Variants in GBP5 observed in about 807,000 individuals in gnomAD.
GBP5 encodes guanylate-binding protein 5.
A neutral mutation model predicts 58.2 loss-of-function variants in GBP5; 48 were observed. The ratio of observed to expected loss-of-function variants is 0.83; its 90% CI spans 0.65 to 1.05. The LOEUF (loss-of-function observed/expected upper bound fraction) is 1.05. GBP5 is among the 50% of genes least tolerant of loss of function. GBP5 has a pLI of 0.00. For missense variants in GBP5, 714 were observed against 686.8 expected, an observed-to-expected ratio of 1.04 and a Z score of -0.44; for synonymous variants, 248 against 251.8, an observed-to-expected ratio of 0.98 and a Z score of 0.14.
rs190519845 is a variant in GBP5 at position 89,257,558 on chromosome 1, A to G, written c.*3146T>C. 5.3e-5 allele frequency among the ~76,000 whole-genome samples: 8 copies of G among 152,338 alleles called. No individual in the cohort carries two copies. The highest frequency in any genetic ancestry group is 4.6e-4 in the Admixed American group (7 of 15,298). On this transcript the variant is annotated 3_prime_UTR_variant, in exon 12 of 12. Transcript: ENST00000370459. ...TAATTTATTTAATTTCAATGCTTTA[A>G]CAATAATAACTTTAATAATGATAAC... is the stretch of plus-strand genomic sequence containing the variant.
rs1171382203 is a variant in GBP5 at position 89,259,898 on chromosome 1, T to G, written c.*806A>C. ...TATACCCCTTAGCCTGTAAGCCCGG[T>G]GTCTGCCTCCTCAGATTTCTGTAGA... On this transcript the variant is annotated 3_prime_UTR_variant, in exon 12 of 12. Coordinates refer to ENST00000370459, the MANE Select transcript of GBP5 (RefSeq NM_052942.5). The G allele has an allele frequency of 6.6e-6, 1 of 152,142 alleles. No individual in the cohort carries two copies. Among genetic ancestry groups the G allele is most frequent in the Non-Finnish European group, 1.5e-5 (1 of 68,096 alleles). The allele number at this position is 152,142 out of a possible 1,614,324, so 9.4% of individuals were successfully genotyped here. A position where few individuals can be genotyped will look rare whatever the true frequency, so the allele number is the denominator to read the frequency against.
chr1:89,264,618 T>C (rs773292463), intron 8 of GBP5, 68 bp downstream of exon 8: 55 of 1,399,940 alleles, frequency 3.9e-5, no homozygotes, highest in Non-Finnish European at 5.3e-5. Flanking sequence ...TAAGTCCTAT[T>C]TTATCATTCA....
intron 7 of GBP5, among the ~76,000 whole-genome samples, chr1:89,265,597 G>A (rs1367736416): frequency 3.3e-5 from 5 of 151,294 alleles, no homozygotes; most frequent in East Asian, 1.9e-4. Context: ...GTGTGGTGGC[G>A]GGTGCCTGTA....
intron 7 of GBP5, 142 bp downstream of exon 7, chr1:89,266,204 C>A: frequency 1.4e-6 from 1 of 723,884 alleles, no homozygotes; most frequent in Non-Finnish European, 2.3e-6. Flanking sequence ...CCCACTGAAA[C>A]TTAATAAATA....
At position 89,266,438 on chromosome 1, in the gene GBP5, T is replaced by G; in HGVS notation, c.776A>C (p.Glu259Ala). Residue 259 changes from glutamate (E) to alanine (A), a missense_variant, in exon 7 of 12, where the codon GAA becomes GCA. Glu to Ala is a moderately radical substitution (Grantham distance 107). Transcript: ENST00000370459. Reference sequence around the variant, plus strand: ...GAATTCTGTCACTTGTTGCACAAATTCAGGCTCTAGCTCATCATCAGGCAG... The same window carrying G: ...GAATTCTGTCACTTGTTGCACAAATGCAGGCTCTAGCTCATCATCAGGCAG... Reference protein sequence around the residue: ...ETLPDDELEPEFVQQVTEFCS... With the variant: ...ETLPDDELEPAFVQQVTEFCS... 2 of 1,614,122 alleles carry G rather than the reference T, an allele frequency of 1.2e-6. No individual in the cohort carries two copies. The highest frequency in any genetic ancestry group is 1.1e-5 in the South Asian group (1 of 91,084).
chr1:89,265,018 T>C (rs778091120), intron 7 of GBP5, 52 bp from the exon 8 acceptor site: 70 of 1,506,286 alleles, frequency 4.6e-5, no homozygotes, highest in South Asian at 4.5e-4. Context: ...GAAGACATGA[T>C]TGATACAGTA....
intron 11 of GBP5, among the ~76,000 whole-genome samples, chr1:89,261,800 A>G (rs1228877188): frequency 6.6e-6 from 1 of 152,216 alleles, no homozygotes; most frequent in African/African-American, 2.4e-5. Context: ...ATGAAATCAG[A>G]TTAACAAAGT....
Position 89,258,115 on chromosome 1 carries a change from T to C in GBP5, c.*2589A>G, listed in dbSNP as rs963441009. On this transcript the variant is annotated 3_prime_UTR_variant, in exon 12 of 12. Transcript: ENST00000370459. ...TCTCTAACCTGTGAGATCAGAGTAT[T>C]TGGGGATGAGTGGGATCCAGGGAAG... 6.6e-6 allele frequency among the ~76,000 whole-genome samples: 1 copy of C among 152,172 alleles called. No individual in the cohort carries two copies. The highest frequency in any genetic ancestry group is 1.5e-5 in the Non-Finnish European group (1 of 68,034).
In GBP5 at chr1:89,258,849, G is replaced by A. The variant is rs1649884595; in HGVS notation, c.*1855C>T. 1 of 152,114 alleles carries A rather than the reference G, an allele frequency of 6.6e-6. No homozygotes were observed. The highest frequency in any genetic ancestry group is 2.1e-4 in the South Asian group (1 of 4,832). The allele number at this position is 152,114 out of a possible 1,614,324, so 9.4% of individuals were successfully genotyped here. On this transcript the variant is annotated 3_prime_UTR_variant, in exon 12 of 12. Transcript: ENST00000370459. ...TACATAAAAAGATGTAATAAAGTGT[G>A]TTTTAATTCTAGTCTTAAAGCAATT...
At position 89,269,520 on chromosome 1, in the gene GBP5, G is replaced by A; in HGVS notation, c.36C>T (p.Cys12=). The A allele has an allele frequency of 1.9e-6, 3 of 1,613,818 alleles. No individual in the cohort carries two copies. The highest frequency in any genetic ancestry group is 2.5e-6 in the Non-Finnish European group (3 of 1,179,772). Residue 12 remains cysteine (C), a synonymous_variant, in exon 3 of 12, where the codon TGC becomes TGT. Coordinates refer to ENST00000370459, the MANE Select transcript of GBP5 (RefSeq NM_052942.5). ...GCTGCTCATTAAAGTTCTCGATGAG[G>A]CACATGGGGTCTGACATGTGGATCT... ...ALEIHMSDPM[C]LIENFNEQLK... is the part of the protein sequence containing the mutation.
At chr1:89,269,270 A>G (rs888033103) in intron 3 of GBP5, 96 bp downstream of exon 3, 1 of 1,225,236 alleles carries the variant, frequency 8.2e-7, no homozygotes, top group Admixed American at 2.0e-5. Context: ...TTTAATATTC[A>G]TCCTCATGTC....
chr1:89,266,854 T>A (rs1237819985), intron 6 of GBP5, 103 bp downstream of exon 6: 7 of 327,212 alleles, frequency 2.1e-5, no homozygotes, highest in Non-Finnish European at 3.6e-5. Flanking sequence ...GCTGGGTGAA[T>A]ATATATATAT....
chr1:89,259,924 G>A lies in GBP5; in HGVS notation c.*780C>T, dbSNP rs950613826. 1 of 152,308 alleles carries A rather than the reference G, an allele frequency of 6.6e-6. No homozygotes were observed. Among genetic ancestry groups the A allele is most frequent in the Admixed American group, 6.6e-5 (1 of 15,266 alleles). The allele number at this position is 152,308 out of a possible 1,614,324, so 9.4% of individuals were successfully genotyped here. A position where few individuals can be genotyped will look rare whatever the true frequency, so the allele number is the denominator to read the frequency against. On this transcript the variant is annotated 3_prime_UTR_variant, in exon 12 of 12. Coordinates refer to ENST00000370459, the MANE Select transcript of GBP5 (RefSeq NM_052942.5). ...GTCTGCCTCCTCAGATTTCTGTAGA[G>A]CAGCCCAGCAGGTTAATAAATTTGC...
At chr1:89,267,259 A>G in intron 5 of GBP5, 106 bp from the exon 6 acceptor site, 1 of 1,053,574 alleles carries the variant, frequency 9.5e-7, no homozygotes, top group Non-Finnish European at 1.4e-6. Context: ...TCTTAACCAA[A>G]TCATCATTTT....
chr1:89,260,814 G>T lies in GBP5; in HGVS notation c.1651C>A (p.Gln551Lys). The T allele has an allele frequency of 6.2e-7, 1 of 1,611,778 alleles. No individual in the cohort carries two copies. The highest frequency in any genetic ancestry group is 2.2e-5 in the East Asian group (1 of 44,866). ...AATGTTGTGCTGAGCTGTGCAGCCTGTTCCTAAAGAGTGATAAATAGAAAG... is the reference window on the plus strand; with the variant it reads ...AATGTTGTGCTGAGCTGTGCAGCCTTTTCCTAAAGAGTGATAAATAGAAAG... ...QKMQEQQMQEQAAQLSTTFQA... is the reference protein window; with the variant it reads ...QKMQEQQMQEKAAQLSTTFQA... Residue 551 changes from glutamine to lysine, a missense_variant, in exon 12 of 12, where the codon CAG becomes AAG. Transcript: ENST00000370459.
At position 89,269,373 on chromosome 1, in the gene GBP5, C is replaced by T. The variant is rs1650351366; in HGVS notation, c.183G>A (p.Lys61=). The T allele has an allele frequency of 1.2e-6, 2 of 1,613,924 alleles. No homozygotes were observed. Among genetic ancestry groups the T allele is most frequent in the Non-Finnish European group, 8.5e-7 (1 of 1,179,868 alleles). ...KSYLMNKLAG[K]NKGFSVASTV... is the part of the protein sequence containing the mutation. The stretch of plus-strand genomic sequence containing the variant: ...TTTGCTGGTACCACTCACCCTTGTT[C>T]TTCCCAGCCAGCTTGTTCATCAGGT... Residue 61 remains lysine, a synonymous_variant, in exon 3 of 12, where the codon AAG becomes AAA. Transcript: ENST00000370459.
intron 2 of GBP5, 84 bp from the exon 3 acceptor site, chr1:89,269,658 G>A: frequency 3.4e-6 from 3 of 871,496 alleles, no homozygotes; most frequent in Admixed American, 2.1e-5. Flanking sequence ...CTGAACCTGG[G>A]GACATACTAC....
chr1:89,269,180 A>G (rs1231689525), intron 3 of GBP5, among the ~76,000 whole-genome samples, 186 bp downstream of exon 3: 1 of 152,098 alleles, frequency 6.6e-6, no homozygotes, highest in Non-Finnish European at 1.5e-5. Context: ...GAAAAAAAAA[A>G]GAGGTGATAT....
At chr1:89,264,165 G>T (rs896043692) in intron 8 of GBP5, among the ~76,000 whole-genome samples, 1 of 151,948 alleles carries the variant, frequency 6.6e-6, no homozygotes, top group Non-Finnish European at 1.5e-5. Flanking sequence ...TGTTATTTCT[G>T]CTATAGGTGT....
Sources: gnomAD v4.1 joint callset for allele counts (sites outside exome capture counted in the v4.1 genomes callset) on GRCh38, gnomAD v4.1.1 for gene constraint, MANE v1.5 for transcripts, NCBI Gene and HGNC (gene_info 2026-07-23, HGNC 2026-07-21) for gene names.